Variants in TRIM22 observed in about 807,000 individuals in gnomAD.
The protein encoded by TRIM22 is E3 ubiquitin-protein ligase TRIM22.
Under a neutral mutation model 53.6 loss-of-function variants are expected in TRIM22, and 45 were observed. That is an observed-to-expected ratio of 0.84 (90% CI 0.66 to 1.08). The LOEUF (loss-of-function observed/expected upper bound fraction) is 1.08. Ranked by LOEUF, TRIM22 falls within the 50% of genes least tolerant of loss-of-function variation. The probability of loss-of-function intolerance (pLI) is 0.00; values close to 1 mark genes in which losing one functional copy is unlikely to be tolerated. For synonymous variants in TRIM22, 225 were observed against 216.6 expected, an observed-to-expected ratio of 1.04 and a Z score of -0.34; for missense variants, 616 against 590.9, an observed-to-expected ratio of 1.04 and a Z score of -0.44.
chr11:5,706,508 T>C, intron 4 of TRIM22, 86 bp from the exon 5 acceptor site: 1 of 1,273,714 alleles, frequency 7.9e-7, no homozygotes, highest in Non-Finnish European at 1.1e-6. Flanking sequence ...ATATATTGTT[T>C]ATCCCAAATT....
Position 5,689,856 on chromosome 11 carries a change from C to T in TRIM22, c.-110C>T, listed in dbSNP as rs1853146613. 1 of 152,306 alleles carries T rather than the reference C, an allele frequency of 6.6e-6. No individual in the cohort carries two copies. The highest frequency in any genetic ancestry group is 2.1e-4 in the South Asian group (1 of 4,834). 9.4% of individuals were successfully genotyped at this position (152,306 alleles called of 1,614,324 possible). A position where few individuals can be genotyped will look rare whatever the true frequency, so the allele number is the denominator to read the frequency against. On this transcript the variant is annotated 5_prime_UTR_variant, in exon 1 of 8. Transcript: ENST00000379965. ...TTTACACCGGCTCCTGCCCTGCCTTCACTCTTCTCCCCTGATTCAAGACTC... is the reference window on the plus strand; with the variant it reads ...TTTACACCGGCTCCTGCCCTGCCTTTACTCTTCTCCCCTGATTCAAGACTC...
Position 5,696,559 on chromosome 11 carries a change from G to A in TRIM22, c.327G>A (p.Lys109=), listed in dbSNP as rs1013807070. Residue 109 remains lysine, a synonymous_variant, in exon 2 of 8, where the codon AAG becomes AAA. Transcript: ENST00000379965. ...GAAAAAAACTCCAGATCTTCTGTAA[G>A]GAGGATGGAAAAGTCATTTGCTGGG... ...HHGKKLQIFC[K]EDGKVICWVC... 5 of 1,614,128 alleles carry A rather than the reference G, an allele frequency of 3.1e-6. No homozygotes were observed. In the African/African-American group the frequency reaches 4.0e-5, roughly 13 times the overall value.
chr11:5,693,677 G>A (rs533069387), intron 1 of TRIM22, among the ~76,000 whole-genome samples: 57 of 125,860 alleles, frequency 4.5e-4, no homozygotes, highest in Non-Finnish European at 5.6e-4. Flanking sequence ...AGCCGAGATC[G>A]CACCACTGCA....
intron 4 of TRIM22, among the ~76,000 whole-genome samples, chr11:5,706,096 T>C (rs1402413168): frequency 6.6e-6 from 1 of 152,226 alleles, no homozygotes; most frequent in Non-Finnish European, 1.5e-5. Flanking sequence ...TCTGTTGATG[T>C]ATAAAATAAA....
Position 5,696,421 on chromosome 11 carries a change from C to G in TRIM22, c.189C>G (p.Phe63Leu). The change falls in exon 2 of 8, where the codon TTC becomes TTG. Residue 63 changes from phenylalanine to leucine, a missense_variant. Coordinates refer to ENST00000379965, the MANE Select transcript of TRIM22 (RefSeq NM_006074.5). ...ESSCPVCQTR[F>L]QPGNLRPNRH... The stretch of plus-strand genomic sequence containing the variant: ...GCTGTCCTGTGTGTCAGACCAGATT[C>G]CAGCCTGGGAACCTCCGACCTAATC... 2 of 1,614,206 alleles carry G rather than the reference C, an allele frequency of 1.2e-6. No homozygotes were observed. Among genetic ancestry groups the G allele is most frequent in the Non-Finnish European group, 1.7e-6 (2 of 1,180,038 alleles).
chr11:5,707,203 T>C (rs1436579497), intron 5 of TRIM22, among the ~76,000 whole-genome samples: 1 of 152,214 alleles, frequency 6.6e-6, no homozygotes, highest in African/African-American at 2.4e-5. Context: ...CAAAGTTTTT[T>C]TAAACACATG....
At chr11:5,696,026 TC>T in intron 1 of TRIM22, 140 bp from the exon 2 acceptor site, 1 of 436,386 alleles carries the variant, frequency 2.3e-6, no homozygotes. Flanking sequence ...TCCATTTTAT[TC>T]TGTCATTGGT....
chr11:5,694,801 G>A lies in TRIM22; in HGVS notation c.-66-1366G>A, dbSNP rs531482845. Among the ~76,000 whole-genome samples the A allele has an allele frequency of 5.9e-5, 9 of 152,268 alleles. No homozygotes were observed. The South Asian group carries it at 1.9e-3, about 32-fold the overall frequency. Reference sequence around the variant, plus strand: ...CTATTATGGTGTTGGTGGTGGTGGTGTGTGGGTGTGTGTGTATGTCTTTGG... The same window carrying A: ...CTATTATGGTGTTGGTGGTGGTGGTATGTGGGTGTGTGTGTATGTCTTTGG... On this transcript the variant is annotated intron_variant, in intron 1 of 7. Transcript: ENST00000379965.
chr11:5,701,905 C>T (rs1036373058), intron 4 of TRIM22, among the ~76,000 whole-genome samples: 1 of 152,010 alleles, frequency 6.6e-6, no homozygotes, highest in African/African-American at 2.4e-5. Flanking sequence ...AAAACGCCTA[C>T]CATTTTTCAC....
At position 5,697,345 on chromosome 11, in the gene TRIM22, C is replaced by T. The variant is rs145950369; in HGVS notation, c.519+2C>T. Reference sequence around the variant, plus strand: ...AGACAAGAGAGAACCGCCTGGAAGGCAGGAGGAGACACCTCCTAAGGGATA... The same window carrying T: ...AGACAAGAGAGAACCGCCTGGAAGGTAGGAGGAGACACCTCCTAAGGGATA... On this transcript the variant is annotated splice_donor_variant, in intron 3 of 7. Coordinates refer to ENST00000379965, the MANE Select transcript of TRIM22 (RefSeq NM_006074.5). LOFTEE classifies it low-confidence loss of function (GC_TO_GT_DONOR). 1.2e-6 allele frequency: 2 copies of T among 1,609,762 alleles called. No individual in the cohort carries two copies. Among genetic ancestry groups the T allele is most frequent in the East Asian group, 2.2e-5 (1 of 44,854 alleles).
At chr11:5,695,075 C>CCT (rs1377586773) in intron 1 of TRIM22, among the ~76,000 whole-genome samples, 3 of 152,048 alleles carry the variant, frequency 2.0e-5, no homozygotes, top group Non-Finnish European at 2.9e-5. Flanking sequence ...GTATAGAGGA[C>CCT]ATATCAGTGA....
intron 1 of TRIM22, among the ~76,000 whole-genome samples, chr11:5,691,381 G>A (rs536921911): frequency 2.0e-5 from 3 of 152,262 alleles, no homozygotes; most frequent in Non-Finnish European, 4.4e-5. Context: ...GAACAAAACA[G>A]AGTAGGGATT....
At chr11:5,698,625 T>TCGGA in intron 4 of TRIM22, 80 bp downstream of exon 4, 1 of 1,167,326 alleles carries the variant, frequency 8.6e-7, no homozygotes, top group South Asian at 1.4e-5. Context: ...TCCCAGTCTC[T>TCGGA]AGGCTTTCTT....
intron 1 of TRIM22, among the ~76,000 whole-genome samples, chr11:5,690,118 C>T (rs1300097379): frequency 6.6e-6 from 1 of 152,166 alleles, no homozygotes; most frequent in Non-Finnish European, 1.5e-5. Context: ...AAAAGCCTTG[C>T]TTGTTTCCTA....
In TRIM22 at chr11:5,709,560, C is replaced by G; in HGVS notation, c.1409C>G (p.Ser470Cys). 2 of 1,614,094 alleles carry G rather than the reference C, an allele frequency of 1.2e-6. No homozygotes were observed. Among genetic ancestry groups the G allele is most frequent in the South Asian group, 1.1e-5 (1 of 91,082 alleles). The change falls in exon 8 of 8, where the codon TCT becomes TGT. Residue 470 changes from serine to cysteine, a missense_variant. By Grantham distance (112) the Ser-to-Cys change is moderately radical. Transcript: ENST00000379965. ...TNHGALIYKF[S>C]GCRFSRPAYP... ...CACGGAGCACTCATCTACAAGTTCTCTGGATGTCGCTTTTCTCGACCTGCT... is the reference window on the plus strand; with the variant it reads ...CACGGAGCACTCATCTACAAGTTCTGTGGATGTCGCTTTTCTCGACCTGCT...
In TRIM22 at chr11:5,706,153, A is replaced by C. The variant is rs76691094; in HGVS notation, c.751-441A>C. Reference sequence around the variant, plus strand: ...TTTCTCATTAAAAATGTATAAAAATATTAGAGCTCCTCCCTCTTTTTAAAA... The same window carrying C: ...TTTCTCATTAAAAATGTATAAAAATCTTAGAGCTCCTCCCTCTTTTTAAAA... On this transcript the variant is annotated intron_variant, in intron 4 of 7. Coordinates refer to ENST00000379965, the MANE Select transcript of TRIM22 (RefSeq NM_006074.5). Among the ~76,000 whole-genome samples the C allele has an allele frequency of 5.3e-5, 8 of 152,342 alleles. No individual in the cohort carries two copies. The East Asian group carries it at 1.5e-3, about 29-fold the overall frequency.
chr11:5,696,918 T>A, intron 2 of TRIM22: 1 of 524,418 alleles, frequency 1.9e-6, no homozygotes, highest in Non-Finnish European at 3.3e-6. Context: ...TCATTGCCCC[T>A]CCAAGAAGAA....
At chr11:5,701,159 T>C (rs1471878451) in intron 4 of TRIM22, among the ~76,000 whole-genome samples, 1 of 152,162 alleles carries the variant, frequency 6.6e-6, no homozygotes, top group East Asian at 1.9e-4. Flanking sequence ...TGGTTTCTGG[T>C]TTTCCTTTCT....
At chr11:5,708,664 C>G (rs1481059335) in intron 7 of TRIM22, 61 bp downstream of exon 7, 1 of 1,423,218 alleles carries the variant, frequency 7.0e-7, no homozygotes, top group Non-Finnish European at 9.7e-7. Context: ...TATTAGATCT[C>G]ATAATCTGAG....
Sources: allele counts gnomAD v4.1 joint callset (sites outside exome capture counted in the v4.1 genomes callset), GRCh38; gene constraint gnomAD v4.1.1; transcripts MANE v1.5; gene names NCBI Gene and HGNC (gene_info 2026-07-23, HGNC 2026-07-21).